PTPRK: variants seen among roughly 807,000 people sequenced by gnomAD.
PTPRK encodes protein tyrosine phosphatase receptor type K, also known as receptor-type tyrosine-protein phosphatase kappa.
Under a neutral mutation model 178.0 loss-of-function variants are expected in PTPRK, and 75 were observed. The observed-to-expected ratio is 0.42, with a 90% confidence interval of 0.35 to 0.51. The LOEUF (loss-of-function observed/expected upper bound fraction) is 0.51, where lower values mean the gene tolerates loss of function less well. Ranked by LOEUF, PTPRK falls within the 20% of genes least tolerant of loss-of-function variation. The pLI, the probability that PTPRK is intolerant of heterozygous loss-of-function variation, is 0.02. For synonymous variants in PTPRK, 637 were observed against 620.6 expected (o/e 1.03, Z -0.39); for missense variants, 1,441 against 1,797.8 (o/e 0.80, Z 3.59).
chr6:127,981,986 T>G (rs1775395842), intron 24 of PTPRK, among the ~76,000 whole-genome samples: 1 of 151,026 alleles, frequency 6.6e-6, no homozygotes, highest in African/African-American at 2.4e-5. Context: ...ACTACAGGCA[T>G]GCACCACCAC....
At chr6:128,325,664 G>GA (rs1247944118) in intron 2 of PTPRK, among the ~76,000 whole-genome samples, 1 of 152,084 alleles carries the variant, frequency 6.6e-6, no homozygotes, top group Non-Finnish European at 1.5e-5. Flanking sequence ...AAAAAGTCAA[G>GA]AAAAAACAGA....
intron 6 of PTPRK, among the ~76,000 whole-genome samples, chr6:128,207,660 G>T (rs191886493): frequency 6.6e-6 from 1 of 151,974 alleles, no homozygotes; most frequent in South Asian, 2.1e-4. Context: ...TTTCAAAAAC[G>T]TTTCACAATA....
Position 127,985,717 on chromosome 6 carries a change from T to G in PTPRK, c.3251+4A>C. 6.2e-7 allele frequency: 1 copy of G among 1,609,064 alleles called. No individual in the cohort carries two copies. Among genetic ancestry groups the G allele is most frequent in the South Asian group, 1.1e-5 (1 of 90,684 alleles). ...CAGTCAATACCATTTGGACCACCAC[T>G]TACCTGCAATGTACAACGATGGGGC... On this transcript the variant is annotated splice_donor_region_variant and intron_variant, in intron 22 of 29. Coordinates refer to ENST00000368226, the MANE Select transcript of PTPRK (RefSeq NM_002844.4).
intron 1 of PTPRK, among the ~76,000 whole-genome samples, chr6:128,416,616 C>CCAGCTTGGGTGA (rs1438783455): frequency 1.3e-5 from 2 of 148,994 alleles, no homozygotes; most frequent in Non-Finnish European, 3.0e-5. Flanking sequence ...CCACTGCAGT[C>CCAGCTTGGGTGA]CAGCTTGGGT....
chr6:128,325,364 A>C (rs1829405291), intron 2 of PTPRK, among the ~76,000 whole-genome samples: 1 of 152,210 alleles, frequency 6.6e-6, no homozygotes, highest in African/African-American at 2.4e-5. Context: ...CAGCAAAAGA[A>C]ACTACCATCA....
chr6:128,476,521 T>C (rs1176891600), intron 1 of PTPRK, among the ~76,000 whole-genome samples: 1 of 152,032 alleles, frequency 6.6e-6, no homozygotes, highest in Non-Finnish European at 1.5e-5. Flanking sequence ...GTAAGCAGTA[T>C]GAATTATCAG....
At chr6:128,148,014 T>A (rs185559574) in intron 7 of PTPRK, among the ~76,000 whole-genome samples, 1 of 152,124 alleles carries the variant, frequency 6.6e-6, no homozygotes, top group Non-Finnish European at 1.5e-5. Flanking sequence ...AGAATTTGAG[T>A]TGACTGCTAA....
intron 7 of PTPRK, among the ~76,000 whole-genome samples, chr6:128,181,124 C>T (rs1043815086): frequency 6.6e-6 from 1 of 151,838 alleles, no homozygotes; most frequent in Non-Finnish European, 1.5e-5. Flanking sequence ...CCATACTTGG[C>T]CACAAAAAAA....
intron 7 of PTPRK, among the ~76,000 whole-genome samples, chr6:128,116,516 C>T (rs1413469864): frequency 6.6e-6 from 1 of 152,120 alleles, no homozygotes; most frequent in Non-Finnish European, 1.5e-5. Flanking sequence ...TAAGATTTGG[C>T]AGATAAGACA....
intron 3 of PTPRK, among the ~76,000 whole-genome samples, chr6:128,282,453 C>T (rs959389694): frequency 2.0e-5 from 3 of 152,084 alleles, no homozygotes; most frequent in Admixed American, 1.3e-4. Context: ...CTCACTGCTC[C>T]CTGTCATTCC....
At chr6:128,159,729 T>C (rs376858170) in intron 7 of PTPRK, among the ~76,000 whole-genome samples, 84 of 151,864 alleles carry the variant, frequency 5.5e-4, no homozygotes, top group African/African-American at 2.0e-3. Context: ...AAAGTCTGCT[T>C]GTGCTGGTAC....
At chr6:128,053,993 A>G (rs1225847657) in intron 13 of PTPRK, among the ~76,000 whole-genome samples, 8 of 152,124 alleles carry the variant, frequency 5.3e-5, no homozygotes, top group Admixed American at 3.9e-4. Context: ...TGCTATTGAG[A>G]TTTTTTTTAA....
intron 1 of PTPRK, among the ~76,000 whole-genome samples, chr6:128,430,729 C>T (rs1441184714): frequency 6.6e-6 from 1 of 152,078 alleles, no homozygotes; most frequent in East Asian, 1.9e-4. Flanking sequence ...TAGCAAAAAA[C>T]AAGCCACATT....
chr6:128,412,553 G>T (rs1034220348), intron 1 of PTPRK, among the ~76,000 whole-genome samples: 3 of 152,196 alleles, frequency 2.0e-5, no homozygotes, highest in African/African-American at 7.2e-5. Flanking sequence ...CAACATGCTG[G>T]CCAGGTATCA....
intron 3 of PTPRK, among the ~76,000 whole-genome samples, chr6:128,272,381 T>A (rs1469550724): frequency 6.6e-6 from 1 of 152,048 alleles, no homozygotes; most frequent in Non-Finnish European, 1.5e-5. Context: ...ACTAAAGAGC[T>A]TCTGCACAGC....
intron 3 of PTPRK, among the ~76,000 whole-genome samples, chr6:128,258,459 G>A (rs1817677159): frequency 6.6e-6 from 1 of 152,110 alleles, no homozygotes; most frequent in Non-Finnish European, 1.5e-5. Flanking sequence ...CCAAGGCACT[G>A]GGAAAATGAA....
intron 8 of PTPRK, among the ~76,000 whole-genome samples, chr6:128,087,383 G>C (rs1434331083): frequency 6.6e-6 from 1 of 152,012 alleles, no homozygotes; most frequent in Non-Finnish European, 1.5e-5. Flanking sequence ...GAACACATGG[G>C]CTACAAAGTG....
chr6:128,237,948 T>A (rs1474563678), intron 5 of PTPRK: 3 of 403,108 alleles, frequency 7.4e-6, no homozygotes, highest in East Asian at 1.5e-4. Context: ...AATTTCATAA[T>A]AAAAGTTTTT....
In PTPRK at chr6:128,037,355, T is replaced by C. The variant is rs557337004; in HGVS notation, c.2194+27403A>G. Among the ~76,000 whole-genome samples, 5 of 152,324 alleles carry C rather than the reference T, an allele frequency of 3.3e-5. No homozygotes were observed. The East Asian group carries it at 9.6e-4, about 29-fold the overall frequency. ...AGTTAATTTAGGTCATTTAATGATA[T>C]CCTGCACGATGGGCAACTGTGCCTG... On this transcript the variant is annotated intron_variant, in intron 13 of 29. Transcript: ENST00000368226.
Sources: gnomAD v4.1 joint callset for allele counts (sites outside exome capture counted in the v4.1 genomes callset) on GRCh38, gnomAD v4.1.1 for gene constraint, MANE v1.5 for transcripts, NCBI Gene and HGNC (gene_info 2026-07-23, HGNC 2026-07-21) for gene names.